Variants in PACS2 observed in about 807,000 individuals in gnomAD.
PACS2 encodes PACS1-like protein.
A neutral mutation model predicts 113.0 loss-of-function variants in PACS2; 36 were observed. The observed-to-expected ratio is 0.32, with a 90% CI of 0.24 to 0.42. The LOEUF is 0.42. Ranked by LOEUF, PACS2 falls within the 10% of genes least tolerant of loss-of-function variation. The pLI is 1.00. For missense variants in PACS2, 1,015 were observed against 1,239.5 expected, an observed-to-expected ratio of 0.82 and a Z score of 2.72; for synonymous variants, 589 against 536.1, an observed-to-expected ratio of 1.10 and a Z score of -1.36.
intron 1 of PACS2, among the ~76,000 whole-genome samples, chr14:105,336,983 G>A (rs1322960539): frequency 6.6e-6 from 1 of 152,204 alleles, no homozygotes; most frequent in African/African-American, 2.4e-5. Flanking sequence ...GACGCAGCCT[G>A]TATCCATCCT....
intron 1 of PACS2, among the ~76,000 whole-genome samples, chr14:105,335,542 C>T (rs1021214450): frequency 2.6e-5 from 4 of 152,236 alleles, no homozygotes; most frequent in Non-Finnish European, 5.9e-5. Context: ...ACCACCTCTT[C>T]ACCCTCCCTC....
In PACS2 at chr14:105,322,808, C is replaced by T. The variant is rs898980002; in HGVS notation, c.119+7771C>T. 3.3e-5 allele frequency among the ~76,000 whole-genome samples: 5 copies of T among 152,368 alleles called. No homozygotes were observed. In the South Asian group the frequency reaches 1.0e-3, roughly 32 times the overall value. ...TTTGTTGCTCATTCTTCTTGCATGT[C>T]AGGAATCATTTTCCTTCTTCTGTTG... is the stretch of plus-strand genomic sequence containing the variant. On this transcript the variant is annotated intron_variant, in intron 1 of 24. Transcript: ENST00000447393.
In PACS2 at chr14:105,380,075, C is replaced by T. The variant is rs781825888; in HGVS notation, c.1051-5C>T. The T allele has an allele frequency of 1.5e-5, 23 of 1,552,004 alleles. No homozygotes were observed. Among genetic ancestry groups the T allele is most frequent in the Middle Eastern group, 1.7e-4 (1 of 5,990 alleles). On this transcript the variant is annotated splice_polypyrimidine_tract_variant and splice_region_variant and intron_variant, in intron 10 of 24. Coordinates refer to ENST00000447393, the MANE Select transcript of PACS2 (RefSeq NM_001100913.3). ...ACAAGCTGATTCCCATCTCCTCCCC[C>T]ACAGGCTGACGTGCCCGAGAAGACG...
Position 105,394,685 on chromosome 14 carries a change from G to A in PACS2, c.*13G>A, listed in dbSNP as rs782205107. 2.6e-6 allele frequency: 4 copies of A among 1,547,494 alleles called. No homozygotes were observed. The African/African-American group carries it at 4.1e-5, about 16-fold the overall frequency. ...GGCCACCTTCTAGCCCCACCCACCA[G>A]GGGGCCCACCTCCTGCCCCATGCTG... is the stretch of plus-strand genomic sequence containing the variant. On this transcript the variant is annotated 3_prime_UTR_variant, in exon 25 of 25. Coordinates refer to ENST00000447393, the MANE Select transcript of PACS2 (RefSeq NM_001100913.3).
At position 105,391,721 on chromosome 14, in the gene PACS2, C is replaced by T; in HGVS notation, c.2210C>T (p.Thr737Ile). The change falls in exon 22 of 25, where the codon ACC becomes ATC. Residue 737 changes from threonine (T) to isoleucine (I), a missense_variant. This residue lies in a region of PACS2 where 859 missense variants were observed against 1,056.8 expected (regional missense o/e 0.81). Coordinates refer to ENST00000447393, the MANE Select transcript of PACS2 (RefSeq NM_001100913.3). ...ASPAAKEASP[T>I]PPSSPSVSGG... ...CCTGCGGCCAAGGAGGCCTCACCCACCCCGCCCTCCTCCCCGTCGGTGAGC... is the reference window on the plus strand; with the variant it reads ...CCTGCGGCCAAGGAGGCCTCACCCATCCCGCCCTCCTCCCCGTCGGTGAGC... 6.3e-7 allele frequency: 1 copy of T among 1,598,610 alleles called. No individual in the cohort carries two copies. Among genetic ancestry groups the T allele is most frequent in the Non-Finnish European group, 8.5e-7 (1 of 1,172,928 alleles).
In PACS2 at chr14:105,370,014, G is replaced by A; in HGVS notation, c.801+114G>A. 3 of 904,368 alleles carry A rather than the reference G, an allele frequency of 3.3e-6. No homozygotes were observed. In the South Asian group the frequency reaches 4.7e-5, roughly 14 times the overall value. 56.0% of individuals were successfully genotyped at this position (904,368 alleles called of 1,614,324 possible). A position where few individuals can be genotyped will look rare whatever the true frequency, so the allele number is the denominator to read the frequency against. On this transcript the variant is annotated intron_variant, in intron 8 of 24. Transcript: ENST00000447393. Reference sequence around the variant, plus strand: ...CCTCTGGTTCTGCCGCTCACCGTCTGCACGGCCCCGCCAGCATCGCACAGT... The same window carrying A: ...CCTCTGGTTCTGCCGCTCACCGTCTACACGGCCCCGCCAGCATCGCACAGT...
At chr14:105,326,216 G>A (rs1047921903) in intron 1 of PACS2, among the ~76,000 whole-genome samples, 5 of 152,220 alleles carry the variant, frequency 3.3e-5, no homozygotes, top group African/African-American at 2.4e-5. Context: ...CAGGTGGGGC[G>A]GGGGCTCCCC....
In PACS2 at chr14:105,394,989, T is replaced by A; in HGVS notation, c.*317T>A. The A allele has an allele frequency of 3.4e-6, 1 of 291,180 alleles. No homozygotes were observed. The highest frequency in any genetic ancestry group is 6.7e-6 in the Non-Finnish European group (1 of 149,896). 18.0% of individuals were successfully genotyped at this position (291,180 alleles called of 1,614,324 possible). A position where few individuals can be genotyped will look rare whatever the true frequency, so the allele number is the denominator to read the frequency against. On this transcript the variant is annotated 3_prime_UTR_variant, in exon 25 of 25. Coordinates refer to ENST00000447393, the MANE Select transcript of PACS2 (RefSeq NM_001100913.3). ...CACAGGCTGAGTTCTTGCCTCTGTGTCCTGTCCTTCCTGGAAGTCAGGACT... is the reference window on the plus strand; with the variant it reads ...CACAGGCTGAGTTCTTGCCTCTGTGACCTGTCCTTCCTGGAAGTCAGGACT...
intron 16 of PACS2, chr14:105,384,078 A>G: frequency 4.5e-6 from 2 of 440,988 alleles, no homozygotes; most frequent in South Asian, 5.4e-5. Context: ...GAGCCAGCCG[A>G]GGCCTCTGCA....
In PACS2 at chr14:105,352,458, C is replaced by T; in HGVS notation, c.288C>T (p.Phe96=). 2.5e-6 allele frequency: 4 copies of T among 1,603,192 alleles called. No homozygotes were observed. Among genetic ancestry groups the T allele is most frequent in the Non-Finnish European group, 3.4e-6 (4 of 1,170,396 alleles). The change falls in exon 3 of 25, where the codon TTC becomes TTT. Residue 96 remains phenylalanine (F), a synonymous_variant. Coordinates refer to ENST00000447393, the MANE Select transcript of PACS2 (RefSeq NM_001100913.3). ...GQVETDLALT[F]SLQYPHFLKR... ...TGGAGACAGACCTGGCCCTGACCTTCTCCTTGCAGGTGAGTCTTTCACCAG... is the reference window on the plus strand; with the variant it reads ...TGGAGACAGACCTGGCCCTGACCTTTTCCTTGCAGGTGAGTCTTTCACCAG...
Position 105,391,693 on chromosome 14 carries a change from T to TCCC in PACS2, c.2183_2184insCCC (p.Pro729dup). On this transcript the variant is annotated inframe_insertion, in exon 22 of 25. Transcript: ENST00000447393. ...GCTCTCCTCCACCCCGCCGTCCGCA[T>TCCC]CTCCTGCGGCCAAGGAGGCCTCACC... is the stretch of plus-strand genomic sequence containing the variant. The TCCC allele has an allele frequency of 6.2e-7, 1 of 1,606,956 alleles. No individual in the cohort carries two copies. The highest frequency in any genetic ancestry group is 8.5e-7 in the Non-Finnish European group (1 of 1,177,534).
chr14:105,358,199 G>T lies in PACS2; in HGVS notation c.423+3022G>T, dbSNP rs2060529388. Among the ~76,000 whole-genome samples the T allele has an allele frequency of 6.6e-6, 1 of 152,248 alleles. No homozygotes were observed. ...CTGAGGCTGAGGAAGTGGAGTCCAA[G>T]GTGGCCCAGGGTAGGGGCCGGGCCT... On this transcript the variant is annotated intron_variant, in intron 4 of 24. Coordinates refer to ENST00000447393, the MANE Select transcript of PACS2 (RefSeq NM_001100913.3). This position sits in a 1 kb window ranked among gnomAD's most constrained non-coding sequence, Gnocchi z 4.9.
intron 1 of PACS2, chr14:105,301,081 G>C (rs1002183523): frequency 6.6e-6 from 1 of 151,678 alleles, no homozygotes; most frequent in Non-Finnish European, 1.5e-5. Flanking sequence ...GCGACACCGG[G>C]GACTAGAGCT....
At chr14:105,325,177 G>C (rs1021784880) in intron 1 of PACS2, among the ~76,000 whole-genome samples, 16 of 151,492 alleles carry the variant, frequency 1.1e-4, no homozygotes, top group Non-Finnish European at 2.2e-4. Context: ...GACGGGGGGG[G>C]GCTCGGACAC....
rs587671917 is a variant in PACS2, at chr14:105,344,342, G to A, written c.120-4151G>A. Reference sequence around the variant, plus strand: ...GTCTCACTCTGTCCCCCAGGCTGGCGTGCAGTGATACGATCTCGGCTCACT... The same window carrying A: ...GTCTCACTCTGTCCCCCAGGCTGGCATGCAGTGATACGATCTCGGCTCACT... On this transcript the variant is annotated intron_variant, in intron 1 of 24. Transcript: ENST00000447393. Among the ~76,000 whole-genome samples the A allele has an allele frequency of 2.6e-4, 40 of 151,950 alleles. No homozygotes were observed. The South Asian group carries it at 3.3e-3, about 13-fold the overall frequency.
intron 1 of PACS2, among the ~76,000 whole-genome samples, chr14:105,308,748 T>C (rs2058264111): frequency 6.6e-6 from 1 of 152,022 alleles, no homozygotes; most frequent in Non-Finnish European, 1.5e-5. Flanking sequence ...CCCAAAGTGC[T>C]GGGATTACAG....
At chr14:105,375,330 T>A (rs1445151509) in intron 8 of PACS2, among the ~76,000 whole-genome samples, 2 of 151,718 alleles carry the variant, frequency 1.3e-5, no homozygotes, top group African/African-American at 2.4e-5. Flanking sequence ...ATACAAAAAG[T>A]AGCCGGGCGT....
intron 7 of PACS2, 91 bp from the exon 8 acceptor site, chr14:105,369,750 G>C: frequency 8.8e-7 from 1 of 1,133,348 alleles, no homozygotes; most frequent in Non-Finnish European, 1.3e-6. Context: ...CCCACGGCGG[G>C]CCTGGGTGCG....
intron 1 of PACS2, among the ~76,000 whole-genome samples, chr14:105,321,140 G>A (rs973680484): frequency 3.3e-5 from 5 of 152,120 alleles, no homozygotes; most frequent in African/African-American, 1.2e-4. Flanking sequence ...TTTTGAACCT[G>A]CTTTCTGGGT....
Sources: allele counts gnomAD v4.1 joint callset (sites outside exome capture counted in the v4.1 genomes callset), GRCh38; gene constraint gnomAD v4.1.1; regional missense constraint gnomAD v4.1.1; non-coding constraint Gnocchi (gnomAD v3.1); transcripts MANE v1.5; gene names NCBI Gene and HGNC (gene_info 2026-07-23, HGNC 2026-07-21).